Variants in BMPER observed in about 807,000 individuals in gnomAD.
BMPER encodes the protein BMP binding endothelial regulator, also known as BMP-binding endothelial regulator protein.
Under a neutral mutation model 87.3 loss-of-function variants are expected in BMPER, and 45 were observed. The ratio of observed to expected loss-of-function variants is 0.52; its 90% CI spans 0.41 to 0.66. The LOEUF is 0.66. Among genes scored for constraint, BMPER ranks in the 30% least tolerant of loss-of-function variants. BMPER has a pLI of 0.00. For synonymous variants in BMPER, 326 were observed against 316.2 expected, an observed-to-expected ratio of 1.03 and a Z score of -0.33; for missense variants, 784 against 867.5, an observed-to-expected ratio of 0.90 and a Z score of 1.21.
Position 34,120,489 on chromosome 7 carries a change from C to T in BMPER, c.1746-22741C>T, listed in dbSNP as rs375312708. On this transcript the variant is annotated intron_variant, in intron 13 of 14. Transcript: ENST00000649409. Reference sequence around the variant, plus strand: ...TCTTGGCTCACCGCAAGCTCCTCCTCCCGGGTTCAAGCGATTCCTTTGCCT... The same window carrying T: ...TCTTGGCTCACCGCAAGCTCCTCCTTCCGGGTTCAAGCGATTCCTTTGCCT... 3.3e-5 allele frequency among the ~76,000 whole-genome samples: 5 copies of T among 152,242 alleles called. No individual in the cohort carries two copies. In the East Asian group the frequency reaches 9.7e-4, roughly 29 times the overall value.
intron 13 of BMPER, among the ~76,000 whole-genome samples, chr7:34,129,624 G>GAAAT: frequency 7.1e-6 from 1 of 141,108 alleles, no homozygotes; most frequent in Non-Finnish European, 1.5e-5. Context: ...GAGAGAGAGA[G>GAAAT]AAAGAGAGAA....
At chr7:34,057,763 G>A (rs1381727753) in intron 9 of BMPER, among the ~76,000 whole-genome samples, 2 of 151,882 alleles carry the variant, frequency 1.3e-5, no homozygotes, top group African/African-American at 4.8e-5. Context: ...AGTAAACAAT[G>A]CATGACAACA....
chr7:34,129,630 G>GAGAAGGAAAGAAAGAAAGAAAGAAAGAA lies in BMPER; in HGVS notation c.1746-13596_1746-13595insGGAAAGAAAGAAAGAAAGAAAGAAAGAA, dbSNP rs1790515320. Among the ~76,000 whole-genome samples the GAGAAGGAAAGAAAGAAAGAAAGAAAGAA allele has an allele frequency of 9.6e-4, 54 of 56,272 alleles. 1 individual carries two copies. The highest frequency in any genetic ancestry group is 1.5e-3 in the Non-Finnish European group (43 of 28,730). The allele number at this position is 56,272 out of a possible 152,430, so 36.9% of individuals were successfully genotyped here. On this transcript the variant is annotated intron_variant, in intron 13 of 14. Coordinates refer to ENST00000649409, the MANE Select transcript of BMPER (RefSeq NM_001365308.1). ...AGAGAAAGAGAGAGAGAGAGAAAGAGAGAAAGAAAGAAAGAAAGAAAGAAA... is the reference window on the plus strand; with the variant it reads ...AGAGAAAGAGAGAGAGAGAGAAAGAGAGAAGGAAAGAAAGAAAGAAAGAAAGAAAGAAAGAAAGAAAGAAAGAAAGAAA...
intron 6 of BMPER, among the ~76,000 whole-genome samples, chr7:33,990,144 T>G (rs984820176): frequency 3.4e-5 from 4 of 116,604 alleles, no homozygotes; most frequent in African/African-American, 1.1e-4. Context: ...TTTTTCCAAT[T>G]CTGTGAAGAA....
intron 13 of BMPER, among the ~76,000 whole-genome samples, chr7:34,122,927 G>A (rs899396592): frequency 1.6e-4 from 25 of 152,126 alleles, no homozygotes; most frequent in African/African-American, 5.1e-4. Flanking sequence ...GAAGCTCTTC[G>A]GATTAGTTCT....
chr7:33,910,688 A>G (rs145882748), intron 2 of BMPER, among the ~76,000 whole-genome samples: 2 of 152,366 alleles, frequency 1.3e-5, no homozygotes, highest in East Asian at 1.9e-4. Context: ...CATAAAAAGC[A>G]ACATGAAATT....
At chr7:34,083,071 G>A (rs776813689) in intron 12 of BMPER, among the ~76,000 whole-genome samples, 4 of 152,154 alleles carry the variant, frequency 2.6e-5, no homozygotes, top group East Asian at 3.9e-4. Context: ...TGGTTATTTC[G>A]GTGTCTTGAC....
At chr7:34,019,091 T>C (rs1221234372) in intron 6 of BMPER, among the ~76,000 whole-genome samples, 1 of 152,010 alleles carries the variant, frequency 6.6e-6, no homozygotes, top group Non-Finnish European at 1.5e-5. Flanking sequence ...AATTACTCCC[T>C]GGAAGATGAT....
chr7:33,923,149 T>C (rs2128605084), intron 2 of BMPER, among the ~76,000 whole-genome samples: 1 of 152,308 alleles, frequency 6.6e-6, no homozygotes, highest in Non-Finnish European at 1.5e-5. Context: ...GTCCTAGTTT[T>C]GAGCCACATT....
chr7:34,140,495 G>C lies in BMPER; in HGVS notation c.1746-2735G>C, dbSNP rs758271681. Among the ~76,000 whole-genome samples the C allele has an allele frequency of 5.9e-5, 9 of 152,276 alleles. No homozygotes were observed. In the South Asian group the frequency reaches 6.2e-4, roughly 11 times the overall value. ...TCTCACACATTGTTCTCCATGAGTG[G>C]TTGATCATATAAAAAGCTCACATCT... On this transcript the variant is annotated intron_variant, in intron 13 of 14. Coordinates refer to ENST00000649409, the MANE Select transcript of BMPER (RefSeq NM_001365308.1).
chr7:33,982,245 A>G (rs903674550), intron 6 of BMPER, among the ~76,000 whole-genome samples: 5 of 152,176 alleles, frequency 3.3e-5, no homozygotes, highest in Non-Finnish European at 5.9e-5. Context: ...TAATATGTGC[A>G]ATTTGATGCA....
chr7:34,104,273 C>G (rs1789760144), intron 13 of BMPER, among the ~76,000 whole-genome samples: 1 of 152,138 alleles, frequency 6.6e-6, no homozygotes, highest in Non-Finnish European at 1.5e-5. Context: ...AGATATACTA[C>G]CGTGATTCCT....
At chr7:34,085,084 A>T (rs572146887) in intron 12 of BMPER, among the ~76,000 whole-genome samples, 161 of 152,314 alleles carry the variant, frequency 1.1e-3, no homozygotes, top group African/African-American at 3.5e-3. Context: ...GGCCTGAGGG[A>T]TAGCAATTAG....
intron 6 of BMPER, among the ~76,000 whole-genome samples, chr7:34,044,914 G>A (rs1787920350): frequency 6.6e-6 from 1 of 152,174 alleles, no homozygotes; most frequent in Non-Finnish European, 1.5e-5. Context: ...CGGCCACAGT[G>A]TGCTGGGATG....
At chr7:33,971,087 ACAGG>A in intron 5 of BMPER, among the ~76,000 whole-genome samples, 1 of 151,412 alleles carries the variant, frequency 6.6e-6, no homozygotes. Context: ...ATAATCTCTG[ACAGG>A]TGTTCTGCAT....
intron 2 of BMPER, among the ~76,000 whole-genome samples, chr7:33,914,929 A>G (rs1292794281): frequency 6.6e-6 from 1 of 152,150 alleles, no homozygotes; most frequent in Non-Finnish European, 1.5e-5. Flanking sequence ...GAACTTTCTC[A>G]TCTTCTTGGA....
chr7:34,101,534 G>T (rs769846414), intron 13 of BMPER, among the ~76,000 whole-genome samples: 1 of 152,222 alleles, frequency 6.6e-6, no homozygotes, highest in African/African-American at 2.4e-5. Context: ...ACAGTTATGA[G>T]TTGTAAGGTC....
rs754805446 is a variant in BMPER, at chr7:34,146,428, GGAACC to G, written c.1876+3069_1876+3073del. 6.1e-3 allele frequency among the ~76,000 whole-genome samples: 934 copies of G among 152,200 alleles called. 6 individuals carry two copies. Among genetic ancestry groups the G allele is most frequent in the Non-Finnish European group, 8.8e-3 (599 of 68,012 alleles). On this transcript the variant is annotated intron_variant, in intron 14 of 14. Coordinates refer to ENST00000649409, the MANE Select transcript of BMPER (RefSeq NM_001365308.1). ...GCCACCTATGGCACAAAGGACTAAT[GGAACC>G]CTAATTTAGCATGGGAATTACTAAA... is the stretch of plus-strand genomic sequence containing the variant.
chr7:34,002,235 A>G (rs1347544844), intron 6 of BMPER, among the ~76,000 whole-genome samples: 3 of 151,790 alleles, frequency 2.0e-5, no homozygotes, highest in African/African-American at 4.8e-5. Context: ...AAAATGATAC[A>G]CATTTTGTAG....
Sources: gnomAD v4.1 joint callset for allele counts (sites outside exome capture counted in the v4.1 genomes callset) on GRCh38, gnomAD v4.1.1 for gene constraint, MANE v1.5 for transcripts, NCBI Gene and HGNC (gene_info 2026-07-23, HGNC 2026-07-21) for gene names.